Variants in KCNH1 observed in about 807,000 individuals in gnomAD.
The protein encoded by KCNH1 is voltage-gated delayed rectifier potassium channel KCNH1.
Under a neutral mutation model 69.2 loss-of-function variants are expected in KCNH1, and 27 were observed. The ratio of observed to expected loss-of-function variants is 0.39; its 90% confidence interval spans 0.29 to 0.54. The LOEUF (loss-of-function observed/expected upper bound fraction) is 0.54, where lower values mean the gene tolerates loss of function less well. Ranked by LOEUF, KCNH1 falls within the 20% of genes least tolerant of loss-of-function variation. The pLI, the probability that KCNH1 is intolerant of heterozygous loss-of-function variation, is 0.68. For missense variants in KCNH1, 798 were observed against 1,261.6 expected, an observed-to-expected ratio of 0.63 and a Z score of 5.57; for synonymous variants, 456 against 487.7, an observed-to-expected ratio of 0.93 and a Z score of 0.86.
chr1:210,822,789 G>A (rs1416688647), intron 7 of KCNH1, among the ~76,000 whole-genome samples: 1 of 152,088 alleles, frequency 6.6e-6, no homozygotes, highest in Non-Finnish European at 1.5e-5. Flanking sequence ...ATGCCATCAA[G>A]CCCTTGTCAG....
chr1:210,828,471 C>A (rs559260813), intron 7 of KCNH1, among the ~76,000 whole-genome samples: 2 of 152,136 alleles, frequency 1.3e-5, no homozygotes, highest in African/African-American at 4.8e-5. Context: ...TTATTAGACA[C>A]GCTATCATTG....
chr1:210,932,465 A>G (rs2102577417), intron 6 of KCNH1, among the ~76,000 whole-genome samples: 1 of 152,290 alleles, frequency 6.6e-6, no homozygotes, highest in East Asian at 1.9e-4. Flanking sequence ...TATCCAAATC[A>G]CCAGAAAACA....
At chr1:211,119,479 C>G (rs768878318) in intron 1 of KCNH1, among the ~76,000 whole-genome samples, 1 of 151,970 alleles carries the variant, frequency 6.6e-6, no homozygotes, top group Non-Finnish European at 1.5e-5. Flanking sequence ...TGTATTTTCA[C>G]TAGACAAAGA....
In KCNH1 at chr1:211,133,771, G is replaced by T; in HGVS notation, c.79+96C>A. On this transcript the variant is annotated intron_variant, in intron 1 of 10. Coordinates refer to ENST00000271751, the MANE Select transcript of KCNH1 (RefSeq NM_172362.3). The surrounding 1 kb of genome is among the most constrained non-coding windows in gnomAD (Gnocchi z 5.4). ...CGCGGCTCCTTAGCAGAGCTCGCGG[G>T]TTCTGCTGCATCTGCTGGCTCCGAG... The T allele has an allele frequency of 2.5e-6, 3 of 1,185,302 alleles. No individual in the cohort carries two copies. Among genetic ancestry groups the T allele is most frequent in the Non-Finnish European group, 3.7e-6 (3 of 809,722 alleles). The allele number at this position is 1,185,302 out of a possible 1,614,324, so 73.4% of individuals were successfully genotyped here. A position where few individuals can be genotyped will look rare whatever the true frequency, so the allele number is the denominator to read the frequency against.
intron 7 of KCNH1, among the ~76,000 whole-genome samples, chr1:210,805,827 C>G (rs761485973): frequency 5.3e-5 from 8 of 152,198 alleles, no homozygotes; most frequent in Non-Finnish European, 1.0e-4. Flanking sequence ...AAGTTAAAAT[C>G]ACATAATATG....
At chr1:210,918,242 C>T (rs916706573) in intron 7 of KCNH1, among the ~76,000 whole-genome samples, 18 of 152,338 alleles carry the variant, frequency 1.2e-4, no homozygotes, top group African/African-American at 4.3e-4. Context: ...CAAGCTGAAG[C>T]CTCAGGTTTC....
chr1:210,907,652 C>A (rs1020828101), intron 7 of KCNH1, among the ~76,000 whole-genome samples: 3 of 152,138 alleles, frequency 2.0e-5, no homozygotes, highest in Admixed American at 6.5e-5. Context: ...CACATTGGAG[C>A]AAACTACAGA....
At chr1:210,799,000 T>TA (rs1000208435) in intron 8 of KCNH1, among the ~76,000 whole-genome samples, 1 of 149,934 alleles carries the variant, frequency 6.7e-6, no homozygotes, top group East Asian at 2.0e-4. Context: ...AAAATAAAAA[T>TA]AAAAAAAGAC....
chr1:210,772,874 C>T (rs1393487303), intron 10 of KCNH1, among the ~76,000 whole-genome samples: 3 of 152,168 alleles, frequency 2.0e-5, no homozygotes, highest in African/African-American at 4.8e-5. Context: ...AACAGCCCTT[C>T]AAAAATGTAG....
chr1:210,960,644 A>T (rs999607150), intron 6 of KCNH1, among the ~76,000 whole-genome samples: 3 of 152,216 alleles, frequency 2.0e-5, no homozygotes, highest in Non-Finnish European at 2.9e-5. Context: ...AATGCATCAC[A>T]ATATACTTAC....
At chr1:211,044,081 T>A (rs1690049465) in intron 5 of KCNH1, among the ~76,000 whole-genome samples, 2 of 152,018 alleles carry the variant, frequency 1.3e-5, no homozygotes, top group African/African-American at 4.8e-5. Context: ...AGTACTGGAA[T>A]CCTAGCCAGA....
chr1:211,096,642 T>C (rs960415810), intron 3 of KCNH1, among the ~76,000 whole-genome samples: 2 of 152,172 alleles, frequency 1.3e-5, no homozygotes, highest in African/African-American at 4.8e-5. Context: ...GAGAGTTGAA[T>C]TGTTTGTAGG....
At chr1:211,099,330 A>G (rs1305886760) in intron 3 of KCNH1, among the ~76,000 whole-genome samples, 2 of 152,062 alleles carry the variant, frequency 1.3e-5, no homozygotes, top group Admixed American at 6.6e-5. Context: ...TATTTTTTGC[A>G]TGCATTCATC....
At chr1:211,002,286 ATACATGTATATATG>A (rs1558563132) in intron 6 of KCNH1, among the ~76,000 whole-genome samples, 2 of 147,792 alleles carry the variant, frequency 1.4e-5, no homozygotes, top group African/African-American at 4.9e-5. Context: ...ATACGTATGT[ATACATGTATATATG>A]TATACATGTA....
chr1:211,121,910 C>A (rs187030618), intron 1 of KCNH1, among the ~76,000 whole-genome samples: 1 of 152,108 alleles, frequency 6.6e-6, no homozygotes, highest in Non-Finnish European at 1.5e-5. Flanking sequence ...CCCAGGTGGG[C>A]GGATCACGAG....
chr1:211,048,626 T>C (rs560186341), intron 5 of KCNH1, among the ~76,000 whole-genome samples: 4 of 152,272 alleles, frequency 2.6e-5, no homozygotes, highest in South Asian at 4.1e-4. Flanking sequence ...TTCTCACTTA[T>C]AAGTGCGAGC....
chr1:211,089,533 C>A (rs1017591603), intron 4 of KCNH1, among the ~76,000 whole-genome samples: 7 of 152,212 alleles, frequency 4.6e-5, no homozygotes, highest in African/African-American at 1.7e-4. Context: ...ATTTTAAATA[C>A]CCTCAGAGGA....
intron 6 of KCNH1, among the ~76,000 whole-genome samples, chr1:210,988,731 T>C (rs1185430297): frequency 1.3e-5 from 2 of 152,238 alleles, no homozygotes; most frequent in East Asian, 3.8e-4. Flanking sequence ...CTGTTTAATA[T>C]GTGAGGCCCA....
chr1:211,043,250 A>G (rs928937626), intron 5 of KCNH1, among the ~76,000 whole-genome samples: 5 of 152,220 alleles, frequency 3.3e-5, no homozygotes, highest in African/African-American at 1.2e-4. Context: ...AAATAACCTC[A>G]CTAAGAAACG....
Sources: allele counts gnomAD v4.1 joint callset (sites outside exome capture counted in the v4.1 genomes callset), GRCh38; gene constraint gnomAD v4.1.1; non-coding constraint Gnocchi (gnomAD v3.1); transcripts MANE v1.5; gene names NCBI Gene and HGNC (gene_info 2026-07-23, HGNC 2026-07-21).